Variants in CSMD1 observed in about 807,000 individuals in gnomAD.
CSMD1 encodes CUB and sushi domain-containing protein 1.
A neutral mutation model predicts 417.5 loss-of-function variants in CSMD1; 213 were observed. The ratio of observed to expected loss-of-function variants is 0.51; its 90% confidence interval spans 0.46 to 0.57. The LOEUF is 0.57. Among genes scored for constraint, CSMD1 ranks in the 20% least tolerant of loss-of-function variants. The pLI is 0.00. For synonymous variants in CSMD1, 2,862 were observed against 1,736.8 expected, an observed-to-expected ratio of 1.65 and a Z score of -16.11; for missense variants, 6,923 against 4,529.7, an observed-to-expected ratio of 1.53 and a Z score of -15.17.
At chr8:3,146,087 A>G (rs1019924465) in intron 40 of CSMD1, among the ~76,000 whole-genome samples, 1 of 152,246 alleles carries the variant, frequency 6.6e-6, no homozygotes, top group African/African-American at 2.4e-5. Context: ...TGAACATTCT[A>G]AAGAACCTTT....
chr8:4,922,852 T>C (rs1428728569), intron 1 of CSMD1, among the ~76,000 whole-genome samples: 1 of 152,236 alleles, frequency 6.6e-6, no homozygotes, highest in Non-Finnish European at 1.5e-5. Context: ...AAGTTTTTCC[T>C]AGTGCTAAAG....
At chr8:3,709,896 G>C (rs1168874631) in intron 6 of CSMD1, among the ~76,000 whole-genome samples, 1 of 144,768 alleles carries the variant, frequency 6.9e-6, no homozygotes, top group Non-Finnish European at 1.5e-5. Flanking sequence ...GATTCATATA[G>C]ATATGAAGTA....
intron 3 of CSMD1, among the ~76,000 whole-genome samples, chr8:4,351,648 G>C (rs1003974888): frequency 6.6e-6 from 1 of 152,186 alleles, no homozygotes; most frequent in African/African-American, 2.4e-5. Flanking sequence ...AGGTTTATAG[G>C]AAAGGCTTCC....
At chr8:4,764,305 CAT>C (rs1812305188) in intron 1 of CSMD1, among the ~76,000 whole-genome samples, 1 of 152,048 alleles carries the variant, frequency 6.6e-6, no homozygotes, top group South Asian at 2.1e-4. Flanking sequence ...TTTTTGAAAA[CAT>C]ATAGTAGAGC....
rs143187727 is a variant in CSMD1 at position 3,732,407 on chromosome 8, G to A, written c.931+21523C>T. Among the ~76,000 whole-genome samples, 571 of 152,196 alleles carry A rather than the reference G, an allele frequency of 3.8e-3. 5 individuals are homozygous for A. The highest frequency in any genetic ancestry group is 0.013 in the African/African-American group (544 of 41,526). On this transcript the variant is annotated intron_variant, in intron 6 of 69. Coordinates refer to ENST00000635120, the MANE Select transcript of CSMD1 (RefSeq NM_033225.6). The stretch of plus-strand genomic sequence containing the variant: ...ACTTTTTCTAGCTGTACCCTTCAAT[G>A]AAATTAATAATGAACCAAGTCATAC...
At chr8:4,420,312 A>T (rs944261812) in intron 2 of CSMD1, among the ~76,000 whole-genome samples, 3 of 152,042 alleles carry the variant, frequency 2.0e-5, no homozygotes, top group Admixed American at 6.6e-5. Context: ...TACTTATATA[A>T]TATGCCATTG....
rs186886707 is a variant in CSMD1 at position 3,845,291 on chromosome 8, C to T, written c.819-91249G>A. On this transcript the variant is annotated intron_variant, in intron 5 of 69. Coordinates refer to ENST00000635120, the MANE Select transcript of CSMD1 (RefSeq NM_033225.6). ...GTGCAAATATCGTAGAGTGAACTCA[C>T]AGAAACCTAGGTGGACTAGCCTACC... Among the ~76,000 whole-genome samples the T allele has an allele frequency of 7.2e-5, 11 of 152,296 alleles. No homozygotes were observed. The East Asian group carries it at 2.1e-3, about 29-fold the overall frequency.
intron 2 of CSMD1, among the ~76,000 whole-genome samples, chr8:4,557,396 C>G (rs1798143071): frequency 6.6e-6 from 1 of 150,524 alleles, no homozygotes; most frequent in South Asian, 2.1e-4. Flanking sequence ...TCTAAGAATT[C>G]ACAGCATAGT....
chr8:4,180,592 G>T (rs1011532530), intron 3 of CSMD1, among the ~76,000 whole-genome samples: 13 of 151,498 alleles, frequency 8.6e-5, no homozygotes, highest in African/African-American at 2.2e-4. Flanking sequence ...ATTAAAAAAA[G>T]AAAAAATAAA....
intron 10 of CSMD1, among the ~76,000 whole-genome samples, chr8:3,521,074 A>G (rs10107032): frequency 0.17 from 25,760 of 151,944 alleles, 2,436 homozygotes; most frequent in Admixed American, 0.23. Context: ...CACAACCTCT[A>G]ATTTTACTGT....
intron 21 of CSMD1, among the ~76,000 whole-genome samples, chr8:3,356,535 C>T (rs1019857735): frequency 1.6e-4 from 25 of 152,148 alleles, no homozygotes; most frequent in Middle Eastern, 3.4e-3. Context: ...ATTAGCCGGG[C>T]GTGGTGGCAT....
intron 26 of CSMD1, among the ~76,000 whole-genome samples, chr8:3,264,323 A>G (rs1801283463): frequency 1.3e-5 from 2 of 152,140 alleles, no homozygotes; most frequent in Admixed American, 1.3e-4. Flanking sequence ...TAATGTGAAG[A>G]TCTGGTATTA....
At chr8:4,968,117 G>C (rs1810000602) in intron 1 of CSMD1, among the ~76,000 whole-genome samples, 1 of 152,072 alleles carries the variant, frequency 6.6e-6, no homozygotes, top group Non-Finnish European at 1.5e-5. Context: ...AAATATGAAA[G>C]AGAAGTGATT....
chr8:3,817,240 T>TC (rs1563109801), intron 5 of CSMD1, among the ~76,000 whole-genome samples: 8 of 128,390 alleles, frequency 6.2e-5, no homozygotes, highest in East Asian at 2.6e-4. Context: ...AAAGTGGTCA[T>TC]ATCTTCTTCT....
intron 1 of CSMD1, among the ~76,000 whole-genome samples, chr8:4,920,787 C>T (rs531511632): frequency 2.0e-5 from 3 of 150,514 alleles, no homozygotes; most frequent in East Asian, 2.0e-4. Flanking sequence ...TGTGCCATTG[C>T]GGTCCAGCCT....
At chr8:3,008,174 A>C (rs1201221246) in intron 52 of CSMD1, among the ~76,000 whole-genome samples, 1 of 152,206 alleles carries the variant, frequency 6.6e-6, no homozygotes, top group African/African-American at 2.4e-5. Flanking sequence ...GCAAAATGTC[A>C]GGAAGAAGGC....
Position 3,415,512 on chromosome 8 carries a change from C to G in CSMD1, c.1562-5907G>C, listed in dbSNP as rs145586541. 3.1e-4 allele frequency among the ~76,000 whole-genome samples: 47 copies of G among 152,286 alleles called. No individual in the cohort carries two copies. The East Asian group carries it at 7.4e-3, about 24-fold the overall frequency. On this transcript the variant is annotated intron_variant, in intron 12 of 69. Coordinates refer to ENST00000635120, the MANE Select transcript of CSMD1 (RefSeq NM_033225.6). Reference sequence around the variant, plus strand: ...ATCTGGGATTATACGCATGCATCATCACGCCCAGGTAATTTTTGTATTTTT... The same window carrying G: ...ATCTGGGATTATACGCATGCATCATGACGCCCAGGTAATTTTTGTATTTTT...
chr8:4,895,344 G>A (rs571276082), intron 1 of CSMD1, among the ~76,000 whole-genome samples: 1 of 152,064 alleles, frequency 6.6e-6, no homozygotes, highest in South Asian at 2.1e-4. Context: ...AGTTTCTGGA[G>A]TAATGTAAGT....
intron 54 of CSMD1, 93 bp from the exon 55 acceptor site, chr8:2,978,893 G>C (rs908798338): frequency 8.8e-7 from 1 of 1,141,210 alleles, no homozygotes; most frequent in Non-Finnish European, 1.2e-6. Context: ...CATCATTTTA[G>C]AAAGTTCAAA....
Sources: allele counts gnomAD v4.1 joint callset (sites outside exome capture counted in the v4.1 genomes callset), GRCh38; gene constraint gnomAD v4.1.1; transcripts MANE v1.5; gene names NCBI Gene and HGNC (gene_info 2026-07-23, HGNC 2026-07-21).